HPSE2: variants seen among roughly 807,000 people sequenced by gnomAD.
HPSE2 encodes the protein inactive heparanase-2.
In HPSE2, 38 loss-of-function variants were observed where a neutral mutation model predicts 60.5. The ratio of observed to expected loss-of-function variants is 0.63; its 90% CI spans 0.48 to 0.82. The LOEUF (loss-of-function observed/expected upper bound fraction) is 0.82. Among genes scored for constraint, HPSE2 ranks in the 40% least tolerant of loss-of-function variants. HPSE2 has a pLI of 0.00. For synonymous variants in HPSE2, 295 were observed against 293.2 expected (o/e 1.01, Z -0.06); for missense variants, 713 against 740.4 (o/e 0.96, Z 0.43).
intron 9 of HPSE2, among the ~76,000 whole-genome samples, chr10:98,539,295 G>A (rs1329915548): frequency 6.6e-6 from 1 of 152,210 alleles, no homozygotes; most frequent in Non-Finnish European, 1.5e-5. Context: ...GCTGAGGCGG[G>A]TGGATCACCT....
At chr10:99,104,028 A>C (rs1479102442) in intron 3 of HPSE2, among the ~76,000 whole-genome samples, 2 of 152,160 alleles carry the variant, frequency 1.3e-5, no homozygotes, top group African/African-American at 4.8e-5. Flanking sequence ...AACCATAAAA[A>C]CCCCAGGAGA....
chr10:98,600,173 A>G (rs1945357767), intron 9 of HPSE2, among the ~76,000 whole-genome samples: 1 of 152,170 alleles, frequency 6.6e-6, no homozygotes, highest in Non-Finnish European at 1.5e-5. Context: ...TCAAGTCCCT[A>G]CCCTCAAGGA....
At chr10:99,223,738 C>A (rs1001652692) in intron 2 of HPSE2, among the ~76,000 whole-genome samples, 11 of 151,938 alleles carry the variant, frequency 7.2e-5, no homozygotes, top group Non-Finnish European at 1.2e-4. Flanking sequence ...TTCCTAAGGA[C>A]AAAAATGACT....
At chr10:99,201,154 C>CA (rs11395011) in intron 2 of HPSE2, among the ~76,000 whole-genome samples, 82,397 of 151,742 alleles carry the variant, frequency 0.54, 24,225 homozygotes, top group East Asian at 0.66. Context: ...GTACATTTTC[C>CA]AAAAAAATAC....
intron 7 of HPSE2, among the ~76,000 whole-genome samples, chr10:98,624,754 T>C (rs894808196): frequency 9.2e-5 from 14 of 152,184 alleles, no homozygotes; most frequent in Non-Finnish European, 1.3e-4. Context: ...TAATACCTGA[T>C]AGGATTGTGT....
chr10:98,842,634 G>GTC (rs148652035), intron 3 of HPSE2, among the ~76,000 whole-genome samples: 3,399 of 151,228 alleles, frequency 0.022, 120 homozygotes, highest in East Asian at 0.17. Context: ...CACATGCATA[G>GTC]TCTCCTCTGT....
At chr10:99,159,351 T>G (rs1846726587) in intron 2 of HPSE2, among the ~76,000 whole-genome samples, 1 of 152,168 alleles carries the variant, frequency 6.6e-6, no homozygotes, top group African/African-American at 2.4e-5. Flanking sequence ...ATGAGAAAAT[T>G]ATAATGATAC....
At chr10:98,490,881 C>G (rs559995394) in intron 9 of HPSE2, among the ~76,000 whole-genome samples, 1 of 152,324 alleles carries the variant, frequency 6.6e-6, no homozygotes, top group African/African-American at 2.4e-5. Context: ...AATTTTCAAT[C>G]TGTGGCACAC....
At chr10:98,757,917 T>C (rs1047013458) in intron 3 of HPSE2, among the ~76,000 whole-genome samples, 8 of 152,116 alleles carry the variant, frequency 5.3e-5, no homozygotes, top group Non-Finnish European at 7.4e-5. Flanking sequence ...GCCAGAGGCA[T>C]CACATTACCT....
rs111365397 is a variant in HPSE2, at chr10:98,883,001, G to A, written c.611-138945C>T. The stretch of plus-strand genomic sequence containing the variant: ...TACTTTATCAGTCTGATTCACCTCC[G>A]CCCAAACATGTCCTGTGATCAATGT... On this transcript the variant is annotated intron_variant, in intron 3 of 11. Transcript: ENST00000370552. Among the ~76,000 whole-genome samples the A allele has an allele frequency of 5.7e-3, 866 of 152,040 alleles. 9 individuals carry two copies. Among genetic ancestry groups the A allele is most frequent in the African/African-American group, 0.02 (823 of 41,482 alleles).
At chr10:98,905,859 G>A (rs1013696007) in intron 3 of HPSE2, among the ~76,000 whole-genome samples, 2 of 152,124 alleles carry the variant, frequency 1.3e-5, no homozygotes, top group African/African-American at 4.8e-5. Flanking sequence ...GGAACACAAT[G>A]CCCTTCAGGG....
chr10:99,112,915 A>G (rs980928718), intron 3 of HPSE2, among the ~76,000 whole-genome samples: 1 of 151,378 alleles, frequency 6.6e-6, no homozygotes, highest in Non-Finnish European at 1.5e-5. Flanking sequence ...CGCAATCTCT[A>G]TAATAAACTA....
chr10:99,162,387 G>A (rs143147889), intron 2 of HPSE2, among the ~76,000 whole-genome samples: 251 of 152,292 alleles, frequency 1.6e-3, no homozygotes, highest in African/African-American at 5.8e-3. Flanking sequence ...AACTTGGATA[G>A]AATTTTGTAT....
chr10:98,739,589 T>C (rs1393772628), intron 4 of HPSE2, among the ~76,000 whole-genome samples: 1 of 152,164 alleles, frequency 6.6e-6, no homozygotes, highest in Non-Finnish European at 1.5e-5. Context: ...ATAAGAATCA[T>C]CATCTCTGAC....
chr10:98,595,593 G>GT (rs975980628), intron 9 of HPSE2, among the ~76,000 whole-genome samples: 7 of 151,998 alleles, frequency 4.6e-5, no homozygotes, highest in South Asian at 4.1e-4. Context: ...AGTTCTAATG[G>GT]TTTTTTTAGT....
the HPSE2 span, among the ~76,000 whole-genome samples, chr10:99,296,045 T>C: frequency 6.6e-6 from 1 of 152,222 alleles, no homozygotes; most frequent in African/African-American, 2.4e-5. Flanking sequence ...CTTATCACAC[T>C]GAGTATTGTC....
At chr10:98,977,826 G>A (rs1172394087) in intron 3 of HPSE2, among the ~76,000 whole-genome samples, 1 of 151,424 alleles carries the variant, frequency 6.6e-6, no homozygotes. Flanking sequence ...CTTAGAAAGT[G>A]CTATGTATCT....
intron 4 of HPSE2, among the ~76,000 whole-genome samples, chr10:98,724,806 C>G (rs1949026817): frequency 6.6e-6 from 1 of 152,022 alleles, no homozygotes; most frequent in Admixed American, 6.6e-5. Flanking sequence ...GACACAAAAT[C>G]AATGTGCAAA....
intron 3 of HPSE2, among the ~76,000 whole-genome samples, chr10:99,023,868 G>A (rs1957319992): frequency 6.6e-6 from 1 of 152,190 alleles, no homozygotes; most frequent in Non-Finnish European, 1.5e-5. Flanking sequence ...TCCCAAGAAG[G>A]ACAGCTACAA....
Sources: allele counts gnomAD v4.1 joint callset (sites outside exome capture counted in the v4.1 genomes callset), GRCh38; gene constraint gnomAD v4.1.1; transcripts MANE v1.5; gene names NCBI Gene and HGNC (gene_info 2026-07-23, HGNC 2026-07-21).